The following SS18 variants were observed in gnomAD, a reference collection of about 807,000 sequenced individuals.
SS18 encodes SS18 subunit of BAF chromatin remodeling complex, also known as protein SSXT.
In SS18, 28 loss-of-function variants were observed where a neutral mutation model predicts 72.5. That is an observed-to-expected ratio of 0.39 (90% CI 0.29 to 0.53). The LOEUF is 0.53. Ranked by LOEUF, SS18 falls within the 20% of genes least tolerant of loss-of-function variation. The probability of loss-of-function intolerance (pLI) is 0.76; values close to 1 mark genes in which losing one functional copy is unlikely to be tolerated. For missense variants in SS18, 518 were observed against 535.3 expected, an observed-to-expected ratio of 0.97 and a Z score of 0.32; for synonymous variants, 172 against 164.2, an observed-to-expected ratio of 1.05 and a Z score of -0.37.
chr18:26,019,977 T>C lies in SS18; in HGVS notation c.1231-1597A>G, dbSNP rs569750019. On this transcript the variant is annotated intron_variant, in intron 10 of 10. Coordinates refer to ENST00000415083, the MANE Select transcript of SS18 (RefSeq NM_001007559.3). ...GTGTAGAGGGGTAGATAAAACAACA[T>C]TGGCAAAATGTTGATAAACTGATGA... 3.4e-4 allele frequency among the ~76,000 whole-genome samples: 51 copies of C among 152,096 alleles called. 1 individual carries two copies. The East Asian group carries it at 9.1e-3, about 27-fold the overall frequency.
chr18:26,074,117 C>T (rs974153575), intron 3 of SS18, among the ~76,000 whole-genome samples: 1 of 151,954 alleles, frequency 6.6e-6, no homozygotes, highest in African/African-American at 2.4e-5. Flanking sequence ...TGGTATCACA[C>T]AGAAAAATGT....
chr18:26,090,139 T>C, intron 1 of SS18: 1 of 251,532 alleles, frequency 4.0e-6, no homozygotes, highest in Non-Finnish European at 7.5e-6. Context: ...CCAAAGTAAC[T>C]CCGGAGCAAC....
intron 5 of SS18, among the ~76,000 whole-genome samples, chr18:26,043,228 G>A (rs559827984): frequency 1.6e-4 from 24 of 152,234 alleles, no homozygotes; most frequent in Admixed American, 7.2e-4. Context: ...TCCAAAGCCC[G>A]TGCTCTTAAT....
rs2053253898 is a variant in SS18, at chr18:26,016,433, C to T, written c.*1921G>A. On this transcript the variant is annotated 3_prime_UTR_variant, in exon 11 of 11. Coordinates refer to ENST00000415083, the MANE Select transcript of SS18 (RefSeq NM_001007559.3). ...CTACTGATCAAGTTGAAAGAAAAAA[C>T]CTATTCTGGCCAGGCACGGTGGCTC... is the stretch of plus-strand genomic sequence containing the variant. 5.5e-6 allele frequency: 1 copy of T among 181,938 alleles called. No individual in the cohort carries two copies. Among genetic ancestry groups the T allele is most frequent in the South Asian group, 2.0e-4 (1 of 5,088 alleles). 11.3% of individuals were successfully genotyped at this position (181,938 alleles called of 1,614,324 possible).
chr18:26,052,458 A>C (rs1327456391), intron 5 of SS18, among the ~76,000 whole-genome samples, 166 bp downstream of exon 5: 2 of 152,256 alleles, frequency 1.3e-5, no homozygotes, highest in African/African-American at 4.8e-5. Context: ...CATTGAGCAA[A>C]GAGATTTAAA....
chr18:26,090,327 C>G (rs1253059553), intron 1 of SS18, among the ~76,000 whole-genome samples, 174 bp downstream of exon 1: 1 of 152,214 alleles, frequency 6.6e-6, no homozygotes, highest in Non-Finnish European at 1.5e-5. Context: ...CCGGTTCACC[C>G]TCTTCCGCCA....
chr18:26,061,578 G>A (rs2054124884), intron 3 of SS18, among the ~76,000 whole-genome samples: 2 of 151,786 alleles, frequency 1.3e-5, no homozygotes, highest in Non-Finnish European at 1.5e-5. Context: ...GAAGGGAACA[G>A]CAATAAAACT....
Position 26,052,652 on chromosome 18 carries a change from T to G in SS18, c.579A>C (p.Arg193Ser). 6.2e-7 allele frequency: 1 copy of G among 1,614,136 alleles called. No individual in the cohort carries two copies. Among genetic ancestry groups the G allele is most frequent in the Non-Finnish European group, 8.5e-7 (1 of 1,179,966 alleles). The change falls in exon 5 of 11, where the codon AGA becomes AGC. Residue 193 changes from arginine to serine, a missense_variant. Physicochemically the swap from Arg to Ser is moderately radical, Grantham distance 110. Transcript: ENST00000415083. ...GGTTTGGCTGCATACTCATATTTGGTCTGGGACCATAGTTTCCCATTGGTT... is the reference window on the plus strand; with the variant it reads ...GGTTTGGCTGCATACTCATATTTGGGCTGGGACCATAGTTTCCCATTGGTT... ...QGQPMGNYGP[R>S]PNMSMQPNQG...
chr18:26,075,810 T>C (rs949971229), intron 3 of SS18, among the ~76,000 whole-genome samples: 13 of 151,862 alleles, frequency 8.6e-5, no homozygotes, highest in Non-Finnish European at 1.8e-4. Flanking sequence ...ACAAATGATA[T>C]GATCATGAAT....
chr18:26,035,235 AT>A lies in SS18; in HGVS notation c.974-109del. On this transcript the variant is annotated intron_variant, in intron 8 of 10. Coordinates refer to ENST00000415083, the MANE Select transcript of SS18 (RefSeq NM_001007559.3). This position sits in a 1 kb window ranked among gnomAD's most constrained non-coding sequence, Gnocchi z 4.4. ...ACACAAGAACAAAATGAAATGCCATATTGATTTTTAGAAGTTAACAAAACAA... is the reference window on the plus strand; with the variant it reads ...ACACAAGAACAAAATGAAATGCCATATGATTTTTAGAAGTTAACAAAACAA... 7.8e-7 allele frequency: 1 copy of A among 1,277,218 alleles called. No homozygotes were observed. The highest frequency in any genetic ancestry group is 1.1e-6 in the Non-Finnish European group (1 of 938,684). The allele number at this position is 1,277,218 out of a possible 1,614,324, so 79.1% of individuals were successfully genotyped here. A position where few individuals can be genotyped will look rare whatever the true frequency, so the allele number is the denominator to read the frequency against.
chr18:26,072,272 G>A (rs1279470892), intron 3 of SS18, among the ~76,000 whole-genome samples: 1 of 149,866 alleles, frequency 6.7e-6, no homozygotes, highest in Admixed American at 6.6e-5. Context: ...GAAAAAAAAG[G>A]AATAATAAAA....
At chr18:26,075,115 T>C (rs1308198272) in intron 3 of SS18, among the ~76,000 whole-genome samples, 1 of 151,910 alleles carries the variant, frequency 6.6e-6, no homozygotes, top group East Asian at 1.9e-4. Context: ...AACTTCAGAT[T>C]CAGATGGCTT....
At chr18:26,038,309 C>CCT (rs3841598) in intron 7 of SS18, among the ~76,000 whole-genome samples, 19,540 of 151,878 alleles carry the variant, frequency 0.13, 2,269 homozygotes, top group African/African-American at 0.3. Context: ...ACAAAAAGAT[C>CCT]CTTTTACATA....
At chr18:26,069,022 A>G (rs2054267358) in intron 3 of SS18, among the ~76,000 whole-genome samples, 1 of 152,212 alleles carries the variant, frequency 6.6e-6, no homozygotes, top group African/African-American at 2.4e-5. Flanking sequence ...GCTTTTATGT[A>G]CTCAACTTAG....
intron 3 of SS18, among the ~76,000 whole-genome samples, chr18:26,076,101 G>C (rs544095035): frequency 2.0e-5 from 3 of 151,824 alleles, no homozygotes; most frequent in Non-Finnish European, 4.4e-5. Flanking sequence ...CAATGCTCAC[G>C]ATTTGGAAAA....
rs751664363 is a variant in SS18, at chr18:26,057,696, C to T, written c.278G>A (p.Ser93Asn). ...AGAGCGTGGAGGTGGGGGAGGGCCGCTCTGATTCATCCCTCCAGGACCCAT... is the reference window on the plus strand; with the variant it reads ...AGAGCGTGGAGGTGGGGGAGGGCCGTTCTGATTCATCCCTCCAGGACCCAT... ...MPMGPGGMNQ[S>N]GPPPPPRSHN... is the part of the protein sequence containing the mutation. Residue 93 changes from serine (S) to asparagine (N), a missense_variant, in exon 4 of 11, where the codon AGC becomes AAC. Ser to Asn is a conservative substitution (Grantham distance 46). Coordinates refer to ENST00000415083, the MANE Select transcript of SS18 (RefSeq NM_001007559.3). 10 of 1,614,006 alleles carry T rather than the reference C, an allele frequency of 6.2e-6. No homozygotes were observed. Among genetic ancestry groups the T allele is most frequent in the Admixed American group, 1.7e-5 (1 of 59,998 alleles).
In SS18 at chr18:26,035,892, C is replaced by T. The variant is rs1041522497; in HGVS notation, c.912G>A (p.Ser304=). The T allele has an allele frequency of 6.2e-6, 10 of 1,601,348 alleles. No individual in the cohort carries two copies. Among genetic ancestry groups the T allele is most frequent in the East Asian group, 2.2e-5 (1 of 44,726 alleles). ...GHNDYGYQQP[S]YPEQGYDRPY... ...GCCTATCGTAGCCTTGTTCAGGATACGACGGTTGCTGATAACCGTAATCAT... is the reference window on the plus strand; with the variant it reads ...GCCTATCGTAGCCTTGTTCAGGATATGACGGTTGCTGATAACCGTAATCAT... Residue 304 remains serine, a synonymous_variant, in exon 8 of 11, where the codon TCG becomes TCA. Coordinates refer to ENST00000415083, the MANE Select transcript of SS18 (RefSeq NM_001007559.3). This position sits in a 1 kb window ranked among gnomAD's most constrained non-coding sequence, Gnocchi z 4.4.
chr18:26,039,046 G>C (rs1409526114), intron 6 of SS18, among the ~76,000 whole-genome samples: 1 of 151,700 alleles, frequency 6.6e-6, no homozygotes. Flanking sequence ...AGTATTTTCT[G>C]CTGTGAATTA....
At chr18:26,037,903 T>C (rs1346153722) in intron 7 of SS18, among the ~76,000 whole-genome samples, 1 of 152,106 alleles carries the variant, frequency 6.6e-6, no homozygotes, top group East Asian at 1.9e-4. Context: ...TGAAGTACAG[T>C]GCATCTTACT....
Sources: allele counts gnomAD v4.1 joint callset (sites outside exome capture counted in the v4.1 genomes callset), GRCh38; gene constraint gnomAD v4.1.1; non-coding constraint Gnocchi (gnomAD v3.1); transcripts MANE v1.5; gene names NCBI Gene and HGNC (gene_info 2026-07-23, HGNC 2026-07-21).